Variants in PPFIA2 observed in about 807,000 individuals in gnomAD.
PPFIA2 encodes the protein PPFI scaffold protein A2.
In PPFIA2, 46 loss-of-function variants were observed where a neutral mutation model predicts 175.5. The observed-to-expected ratio is 0.26, with a 90% CI of 0.21 to 0.34. The LOEUF (loss-of-function observed/expected upper bound fraction) is 0.34. Ranked by LOEUF, PPFIA2 falls within the 10% of genes least tolerant of loss-of-function variation. The probability of loss-of-function intolerance (pLI) is 1.00; values close to 1 mark genes in which losing one functional copy is unlikely to be tolerated. For synonymous variants in PPFIA2, 568 were observed against 511.4 expected (o/e 1.11, Z -1.49); for missense variants, 1,179 against 1,506.1 (o/e 0.78, Z 3.60).
chr12:81,399,334 A>T (rs1237988645), intron 8 of PPFIA2, among the ~76,000 whole-genome samples: 1 of 151,124 alleles, frequency 6.6e-6, no homozygotes, highest in Non-Finnish European at 1.5e-5. Context: ...AGTACCTCAA[A>T]TCCTGGCTAA....
intron 4 of PPFIA2, among the ~76,000 whole-genome samples, chr12:81,663,922 A>G (rs1302555904): frequency 2.6e-5 from 4 of 152,196 alleles, no homozygotes; most frequent in African/African-American, 4.8e-5. Flanking sequence ...AAACCTGACA[A>G]AAACAAGAAA....
intron 4 of PPFIA2, among the ~76,000 whole-genome samples, chr12:81,484,659 C>T (rs1282658448): frequency 1.3e-5 from 2 of 151,892 alleles, no homozygotes; most frequent in Admixed American, 6.6e-5. Flanking sequence ...AGGCCAGACC[C>T]TTATTCTAGC....
At chr12:81,596,932 A>G (rs1350942220) in intron 4 of PPFIA2, among the ~76,000 whole-genome samples, 3 of 152,100 alleles carry the variant, frequency 2.0e-5, no homozygotes, top group Non-Finnish European at 2.9e-5. Flanking sequence ...GAGTAATTAT[A>G]TCTACTGCCT....
intron 7 of PPFIA2, among the ~76,000 whole-genome samples, chr12:81,416,663 A>G (rs2045325817): frequency 6.6e-6 from 1 of 151,730 alleles, no homozygotes; most frequent in Non-Finnish European, 1.5e-5. Flanking sequence ...GGCTATCTTG[A>G]TTCATACTGG....
chr12:81,727,007 C>T (rs2080174163), intron 3 of PPFIA2, among the ~76,000 whole-genome samples: 2 of 151,228 alleles, frequency 1.3e-5, no homozygotes, highest in African/African-American at 2.4e-5. Flanking sequence ...GCCAAGGTGG[C>T]CAATATGGTG....
chr12:81,607,165 G>A (rs1477896260), intron 4 of PPFIA2, among the ~76,000 whole-genome samples: 1 of 151,876 alleles, frequency 6.6e-6, no homozygotes, highest in East Asian at 1.9e-4. Flanking sequence ...TGTTCTATTG[G>A]TTTATGTGTC....
At chr12:81,308,405 A>G (rs1352081140) in intron 22 of PPFIA2, among the ~76,000 whole-genome samples, 1 of 152,204 alleles carries the variant, frequency 6.6e-6, no homozygotes, top group Non-Finnish European at 1.5e-5. Flanking sequence ...GAGAACACCG[A>G]AGAACAGAGG....
chr12:81,571,910 ATAC>A (rs1364136728), intron 4 of PPFIA2, among the ~76,000 whole-genome samples: 2 of 152,084 alleles, frequency 1.3e-5, no homozygotes, highest in Non-Finnish European at 2.9e-5. Flanking sequence ...CTTCTTTCAT[ATAC>A]TGAAGTGGCA....
At chr12:81,540,470 CT>C (rs2066039135) in intron 4 of PPFIA2, among the ~76,000 whole-genome samples, 1 of 152,048 alleles carries the variant, frequency 6.6e-6, no homozygotes, top group South Asian at 2.1e-4. Flanking sequence ...TGGGAAAATG[CT>C]TTGTCAGCTG....
intron 4 of PPFIA2, among the ~76,000 whole-genome samples, chr12:81,466,422 C>T (rs948886064): frequency 3.3e-5 from 5 of 152,084 alleles, no homozygotes; most frequent in African/African-American, 4.8e-5. Flanking sequence ...ATCTTCTAAT[C>T]AAGGTACTTA....
At chr12:81,386,275 TTAAATAAATAAA>T (rs36182501) in intron 8 of PPFIA2, among the ~76,000 whole-genome samples, 1,828 of 135,708 alleles carry the variant, frequency 0.013, 28 homozygotes, top group African/African-American at 0.042. Flanking sequence ...CTTACAACCT[TTAAATAAATAAA>T]TAAATAAATA....
chr12:81,301,704 T>A (rs7955403), intron 22 of PPFIA2, among the ~76,000 whole-genome samples: 2 of 152,020 alleles, frequency 1.3e-5, no homozygotes, highest in South Asian at 4.1e-4. Context: ...TGCTGTTCTT[T>A]GGAAACAACC....
At chr12:81,423,266 T>G (rs888755317) in intron 7 of PPFIA2, among the ~76,000 whole-genome samples, 4 of 151,966 alleles carry the variant, frequency 2.6e-5, no homozygotes, top group Non-Finnish European at 5.9e-5. Flanking sequence ...AAGGTCAGGA[T>G]CCCCTAATTC....
At chr12:81,738,580 A>C (rs2081933905) in intron 3 of PPFIA2, among the ~76,000 whole-genome samples, 1 of 151,920 alleles carries the variant, frequency 6.6e-6, no homozygotes, top group African/African-American at 2.4e-5. Flanking sequence ...TGCACATTGT[A>C]ATTTGTAGGT....
chr12:81,672,853 G>A (rs1018739590), intron 4 of PPFIA2, among the ~76,000 whole-genome samples: 5 of 151,892 alleles, frequency 3.3e-5, no homozygotes, highest in South Asian at 2.1e-4. Flanking sequence ...ATGTTACAAC[G>A]AAACATGCTC....
At position 81,620,159 on chromosome 12, in the gene PPFIA2, CAAAAAA is replaced by C. The variant is rs376856927; in HGVS notation, c.303+56626_303+56631del. ...TGGGCCACAGAGTGACACTCCTTCT[CAAAAAA>C]AAAAAAAAAAAAAAAAAGAAGAAAG... is the stretch of plus-strand genomic sequence containing the variant. On this transcript the variant is annotated intron_variant, in intron 4 of 32. Transcript: ENST00000549396. Among the ~76,000 whole-genome samples, 487 of 54,590 alleles carry C rather than the reference CAAAAAA, an allele frequency of 8.9e-3. 2 individuals are homozygous for C. The highest frequency in any genetic ancestry group is 0.036 in the African/African-American group (456 of 12,810). The allele number at this position is 54,590 out of a possible 152,430, so 35.8% of individuals were successfully genotyped here.
chr12:81,662,885 A>C (rs1241349521), intron 4 of PPFIA2, among the ~76,000 whole-genome samples: 2 of 152,224 alleles, frequency 1.3e-5, no homozygotes, highest in African/African-American at 4.8e-5. Context: ...CTGGGATGCA[A>C]GGCTGGTTCA....
At chr12:81,526,774 TTATCTC>T (rs776876847) in intron 4 of PPFIA2, among the ~76,000 whole-genome samples, 1 of 152,172 alleles carries the variant, frequency 6.6e-6, no homozygotes, top group Non-Finnish European at 1.5e-5. Context: ...TGCTTAGTAT[TTATCTC>T]TAGCTCCTCA....
intron 4 of PPFIA2, chr12:81,506,069 T>C (rs1291937135): frequency 6.6e-6 from 1 of 152,190 alleles, no homozygotes; most frequent in Non-Finnish European, 1.5e-5. Flanking sequence ...TTAGTACCAA[T>C]AAGTCATTTA....
Sources: gnomAD v4.1 joint callset for allele counts (sites outside exome capture counted in the v4.1 genomes callset) on GRCh38, gnomAD v4.1.1 for gene constraint, MANE v1.5 for transcripts, NCBI Gene and HGNC (gene_info 2026-07-23, HGNC 2026-07-21) for gene names.